The following PTPN11 variants were observed in gnomAD, a reference collection of about 807,000 sequenced individuals.
The protein encoded by PTPN11 is tyrosine-protein phosphatase non-receptor type 11.
A neutral mutation model predicts 78.8 loss-of-function variants in PTPN11; 6 were observed. The observed-to-expected ratio is 0.08, with a 90% CI of 0.04 to 0.15. PTPN11 has a LOEUF of 0.15. Among genes scored for constraint, PTPN11 ranks in the 10% least tolerant of loss-of-function variants. PTPN11 has a pLI of 1.00. For synonymous variants in PTPN11, 221 were observed against 263.5 expected, an observed-to-expected ratio of 0.84 and a Z score of 1.56; for missense variants, 386 against 744.8, an observed-to-expected ratio of 0.52 and a Z score of 5.61.
At chr12:112,434,907 C>T (rs1397514481) in intron 1 of PTPN11, among the ~76,000 whole-genome samples, 1 of 151,948 alleles carries the variant, frequency 6.6e-6, no homozygotes, top group Admixed American at 6.6e-5. Context: ...GTGCCTCAGC[C>T]TCCCAAGTAG....
intron 9 of PTPN11, among the ~76,000 whole-genome samples, chr12:112,481,094 G>C (rs1566182789): frequency 6.6e-6 from 1 of 152,190 alleles, no homozygotes; most frequent in African/African-American, 2.4e-5. Context: ...GGAGGTATCA[G>C]ATGGGTCTGG....
chr12:112,471,454 A>AAGAGAGAGAG lies in PTPN11; in HGVS notation c.757-1462_757-1453dup, dbSNP rs56070053. 5.8e-3 allele frequency among the ~76,000 whole-genome samples: 728 copies of AAGAGAGAGAG among 126,338 alleles called. 10 individuals carry two copies. The highest frequency in any genetic ancestry group is 0.02 in the African/African-American group (674 of 33,580). The allele number at this position is 126,338 out of a possible 152,430, so 82.9% of individuals were successfully genotyped here. On this transcript the variant is annotated intron_variant, in intron 6 of 15. Coordinates refer to ENST00000351677, the MANE Select transcript of PTPN11 (RefSeq NM_002834.5). ...GTGGCTCCATCATATGATAAACAGA[A>AAGAGAGAGAG]AGAGAGAGAGAGAGAGAGAGAGAGA...
intron 1 of PTPN11, chr12:112,428,929 T>G (rs2037666781): frequency 6.6e-6 from 1 of 152,262 alleles, no homozygotes; most frequent in Non-Finnish European, 1.5e-5. Context: ...GTATTTTTAG[T>G]AGAGACGGGG....
chr12:112,430,549 C>A (rs2037696923), intron 1 of PTPN11, among the ~76,000 whole-genome samples: 1 of 151,932 alleles, frequency 6.6e-6, no homozygotes, highest in East Asian at 1.9e-4. Context: ...CCGTCTCAGC[C>A]TCTAGAGTAG....
chr12:112,472,395 C>T (rs1232653446), intron 6 of PTPN11, among the ~76,000 whole-genome samples: 1 of 152,130 alleles, frequency 6.6e-6, no homozygotes, highest in East Asian at 1.9e-4. Context: ...GTGTTATTTT[C>T]CTAGTACATC....
intron 13 of PTPN11, among the ~76,000 whole-genome samples, chr12:112,495,365 C>G (rs893232489): frequency 6.6e-6 from 1 of 152,150 alleles, no homozygotes; most frequent in African/African-American, 2.4e-5. Context: ...TTCATGTACT[C>G]TTGACGATTT....
intron 13 of PTPN11, among the ~76,000 whole-genome samples, chr12:112,498,965 A>G (rs2038842797): frequency 6.6e-6 from 1 of 152,210 alleles, no homozygotes; most frequent in African/African-American, 2.4e-5. Flanking sequence ...TAATTATTCC[A>G]CACTAGAAAA....
intron 5 of PTPN11, among the ~76,000 whole-genome samples, chr12:112,455,048 G>A (rs1306057673): frequency 1.3e-5 from 2 of 151,558 alleles, no homozygotes; most frequent in East Asian, 3.9e-4. Flanking sequence ...TTGAATTCCC[G>A]ACCTCAGGTT....
chr12:112,496,697 C>T (rs1652951895), intron 13 of PTPN11, among the ~76,000 whole-genome samples: 1 of 152,200 alleles, frequency 6.6e-6, no homozygotes, highest in African/African-American at 2.4e-5. Context: ...CCTATCTACT[C>T]ATTTGTTCAA....
chr12:112,494,805 G>A (rs138305066), intron 13 of PTPN11, among the ~76,000 whole-genome samples: 7 of 152,244 alleles, frequency 4.6e-5, no homozygotes, highest in African/African-American at 1.4e-4. Context: ...ACTTATGATG[G>A]TTCGACTTAT....
intron 6 of PTPN11, among the ~76,000 whole-genome samples, chr12:112,471,523 G>A (rs1158513346): frequency 6.7e-6 from 1 of 148,932 alleles, no homozygotes; most frequent in Non-Finnish European, 1.5e-5. Flanking sequence ...AAAAGAAGAA[G>A]AAAAAAAGAA....
intron 4 of PTPN11, 129 bp downstream of exon 4, chr12:112,453,516 A>ATTTT (rs1412547888): frequency 3.8e-6 from 3 of 793,450 alleles, no homozygotes. Flanking sequence ...TTATTTATTT[A>ATTTT]TTTGAGACAG....
intron 6 of PTPN11, among the ~76,000 whole-genome samples, chr12:112,458,896 G>T (rs1323562416): frequency 1.3e-5 from 2 of 152,100 alleles, no homozygotes. Context: ...AGCTGGGTGT[G>T]GGGGTGCGCA....
intron 6 of PTPN11, among the ~76,000 whole-genome samples, chr12:112,459,231 C>G (rs937762443): frequency 3.3e-5 from 5 of 152,012 alleles, no homozygotes; most frequent in Non-Finnish European, 5.9e-5. Flanking sequence ...TTTTAGAAAC[C>G]GCTCATCAAA....
rs562391033 is a variant in PTPN11 at position 112,458,904 on chromosome 12, G to A, written c.756+2841G>A. Among the ~76,000 whole-genome samples, 37 of 152,102 alleles carry A rather than the reference G, an allele frequency of 2.4e-4. 1 individual carries two copies. The highest frequency in any genetic ancestry group is 7.7e-4 in the African/African-American group (32 of 41,488). On this transcript the variant is annotated intron_variant, in intron 6 of 15. Transcript: ENST00000351677. ...AAAAAGTAGCTGGGTGTGGGGGTGC[G>A]CACCCACAGTCCCAGCTACTCTGGG...
chr12:112,452,090 G>T (rs890119056), intron 3 of PTPN11, among the ~76,000 whole-genome samples: 4 of 151,990 alleles, frequency 2.6e-5, no homozygotes, highest in Non-Finnish European at 5.9e-5. Flanking sequence ...TTGCCAGGCT[G>T]GTCTCAAACT....
chr12:112,471,000 T>C (rs1388771970), intron 6 of PTPN11, among the ~76,000 whole-genome samples: 1 of 152,212 alleles, frequency 6.6e-6, no homozygotes, highest in Non-Finnish European at 1.5e-5. Context: ...TAAAAAAAAT[T>C]CAAATGACTG....
chr12:112,465,438 G>T (rs959313617), intron 6 of PTPN11, among the ~76,000 whole-genome samples: 19 of 151,460 alleles, frequency 1.3e-4, no homozygotes, highest in African/African-American at 4.4e-4. Flanking sequence ...AAAAAAAAAG[G>T]TTTTTGCCCT....
chr12:112,433,230 G>C (rs1566157767), intron 1 of PTPN11, among the ~76,000 whole-genome samples: 2 of 152,148 alleles, frequency 1.3e-5, no homozygotes, highest in Non-Finnish European at 2.9e-5. Flanking sequence ...GATGTGTTTA[G>C]ATACACAAAT....
Sources: gnomAD v4.1 joint callset for allele counts (sites outside exome capture counted in the v4.1 genomes callset) on GRCh38, gnomAD v4.1.1 for gene constraint, MANE v1.5 for transcripts, NCBI Gene and HGNC (gene_info 2026-07-23, HGNC 2026-07-21) for gene names.